Variants in MPP7 observed in about 807,000 individuals in gnomAD.
The protein encoded by MPP7 is MAGUK p55 scaffold protein 7.
A neutral mutation model predicts 76.5 loss-of-function variants in MPP7; 60 were observed. That is an observed-to-expected ratio of 0.78 (90% confidence interval 0.64 to 0.97). The LOEUF is 0.97. MPP7 is among the 50% of genes least tolerant of loss of function. MPP7 has a pLI of 0.00. For synonymous variants in MPP7, 237 were observed against 244.5 expected (o/e 0.97, Z 0.29); for missense variants, 641 against 694.0 (o/e 0.92, Z 0.86).
intron 3 of MPP7, among the ~76,000 whole-genome samples, chr10:28,189,535 C>T (rs1280210125): frequency 2.3e-5 from 3 of 129,888 alleles, no homozygotes; most frequent in South Asian, 2.4e-4. Context: ...AACACCACTG[C>T]ACACCAGCCA....
At chr10:28,057,798 G>A in intron 15 of MPP7, 1 of 1,287,026 alleles carries the variant, frequency 7.8e-7, no homozygotes, top group Non-Finnish European at 1.0e-6. Flanking sequence ...CTAGCATTTG[G>A]AGGTTTTGCA....
chr10:28,262,056 C>T (rs1839967950), intron 1 of MPP7, among the ~76,000 whole-genome samples: 1 of 150,704 alleles, frequency 6.6e-6, no homozygotes, highest in Non-Finnish European at 1.5e-5. Flanking sequence ...GAGGCTGAGG[C>T]AGGAGAATCG....
At chr10:28,164,833 T>A (rs1836392347) in intron 3 of MPP7, among the ~76,000 whole-genome samples, 2 of 152,118 alleles carry the variant, frequency 1.3e-5, no homozygotes, top group Admixed American at 1.3e-4. Context: ...GGATGAAGAA[T>A]AAGAAATTAC....
intron 2 of MPP7, among the ~76,000 whole-genome samples, chr10:28,223,078 G>A (rs1473559022): frequency 2.0e-5 from 3 of 151,638 alleles, no homozygotes; most frequent in Non-Finnish European, 4.4e-5. Flanking sequence ...AGGTTGCAGT[G>A]AGCCGGGATC....
chr10:28,153,142 T>C (rs1835937800), intron 3 of MPP7, among the ~76,000 whole-genome samples: 2 of 152,056 alleles, frequency 1.3e-5, no homozygotes, highest in African/African-American at 2.4e-5. Context: ...TAGTCCTAGC[T>C]ACTCGGGAGG....
At chr10:28,329,630 CAAAAAAAA>C (rs10547710) in intron 2 of MPP7, among the ~76,000 whole-genome samples, 4 of 106,284 alleles carry the variant, frequency 3.8e-5, no homozygotes, top group Non-Finnish European at 1.9e-5. Flanking sequence ...GACTCCGTCT[CAAAAAAAA>C]AAAAAAAAAA....
At chr10:28,175,196 A>G (rs1014367803) in intron 3 of MPP7, among the ~76,000 whole-genome samples, 1 of 152,074 alleles carries the variant, frequency 6.6e-6, no homozygotes. Context: ...AGTCTGAGGC[A>G]TGAGAATCAC....
In MPP7 at chr10:28,054,161, AT is replaced by A. The variant is rs1347737232; in HGVS notation, c.1634del (p.Asn545MetfsTer18). On this transcript the variant is annotated frameshift_variant, in exon 17 of 17. Coordinates refer to ENST00000683449, the MANE Select transcript of MPP7 (RefSeq NM_001318170.2). LOFTEE classifies it high-confidence loss of function. Reference protein sequence around the residue: ...YGHLFDKIIINDDLTVAFNEL... With the variant: ...YGHLFDKIIIXDDLTVAFNEL... ...CATTGAATGCCACAGTGAGGTCATCATTTATTATAATTTTGTCAAAAAGATG... is the reference window on the plus strand; with the variant it reads ...CATTGAATGCCACAGTGAGGTCATCATTATTATAATTTTGTCAAAAAGATG... 27 of 1,607,920 alleles carry A rather than the reference AT, an allele frequency of 1.7e-5. No individual in the cohort carries two copies. The highest frequency in any genetic ancestry group is 2.2e-5 in the Non-Finnish European group (26 of 1,175,494).
intron 1 of MPP7, among the ~76,000 whole-genome samples, chr10:28,265,651 T>A (rs1840127420): frequency 1.3e-5 from 2 of 152,200 alleles, no homozygotes; most frequent in Admixed American, 1.3e-4. Context: ...GTAAAATGTC[T>A]ATAAATTATT....
At chr10:28,315,266 AAAAG>A (rs1834307915) in intron 2 of MPP7, among the ~76,000 whole-genome samples, 1 of 142,594 alleles carries the variant, frequency 7.0e-6, no homozygotes, top group Non-Finnish European at 1.6e-5. Context: ...GGAGGGAGGG[AAAAG>A]AAAGAAGGAG....
At chr10:28,330,270 T>C (rs1641485250) in intron 1 of MPP7, among the ~76,000 whole-genome samples, 2 of 152,152 alleles carry the variant, frequency 1.3e-5, no homozygotes, top group African/African-American at 4.8e-5. Context: ...AACTGTGCAA[T>C]GGCACACACC....
chr10:28,320,998 C>T (rs1460922227), intron 2 of MPP7, among the ~76,000 whole-genome samples: 1 of 152,132 alleles, frequency 6.6e-6, no homozygotes. Context: ...CATGCCCACT[C>T]TGACAATGCG....
At chr10:28,195,170 T>C (rs1341490702) in intron 3 of MPP7, among the ~76,000 whole-genome samples, 1 of 151,958 alleles carries the variant, frequency 6.6e-6, no homozygotes, top group African/African-American at 2.4e-5. Context: ...ATCTAGAAAA[T>C]GCAAATCAAA....
chr10:28,253,566 T>C (rs972323226), intron 1 of MPP7, among the ~76,000 whole-genome samples: 9 of 152,204 alleles, frequency 5.9e-5, no homozygotes, highest in African/African-American at 1.9e-4. Context: ...TGTTTACTAA[T>C]ATATTTCCTT....
intron 1 of MPP7, among the ~76,000 whole-genome samples, chr10:28,299,803 T>G (rs1841112006): frequency 6.7e-6 from 1 of 148,264 alleles, no homozygotes; most frequent in African/African-American, 2.5e-5. Context: ...TCTCGCTCTG[T>G]GGCCCAGGCT....
chr10:28,206,687 A>C (rs1203292862), intron 2 of MPP7, among the ~76,000 whole-genome samples: 1 of 152,172 alleles, frequency 6.6e-6, no homozygotes, highest in African/African-American at 2.4e-5. Flanking sequence ...TTTCTAGATA[A>C]GCTATAAGCT....
chr10:28,099,201 C>A (rs565430517), intron 11 of MPP7, among the ~76,000 whole-genome samples: 104 of 152,262 alleles, frequency 6.8e-4, no homozygotes, highest in African/African-American at 2.5e-3. Flanking sequence ...ACCACCCATA[C>A]TAACAGCCTC....
Position 28,120,440 on chromosome 10 carries a change from A to C in MPP7, c.691-50T>G. ...TGAATAAAGATAAAAAATAAATGTG[A>C]AATGGCCTATATTCTCCTAACTCCG... On this transcript the variant is annotated intron_variant, in intron 9 of 16. Coordinates refer to ENST00000683449, the MANE Select transcript of MPP7 (RefSeq NM_001318170.2). 3.2e-6 allele frequency: 5 copies of C among 1,555,228 alleles called. No individual in the cohort carries two copies. In the South Asian group the frequency reaches 5.8e-5, roughly 18 times the overall value.
chr10:28,107,362 T>A (rs1834359068), intron 11 of MPP7, among the ~76,000 whole-genome samples: 1 of 152,146 alleles, frequency 6.6e-6, no homozygotes, highest in Non-Finnish European at 1.5e-5. Flanking sequence ...TAGTGCTTTA[T>A]GCCACAGTTT....
Sources: gnomAD v4.1 joint callset for allele counts (sites outside exome capture counted in the v4.1 genomes callset) on GRCh38, gnomAD v4.1.1 for gene constraint, MANE v1.5 for transcripts, NCBI Gene and HGNC (gene_info 2026-07-23, HGNC 2026-07-21) for gene names.